Variants in AKNA observed in about 807,000 individuals in gnomAD.
The protein encoded by AKNA is AT-hook transcription factor, also known as microtubule organization protein AKNA.
AKNA carries 67 observed loss-of-function variants against 138.8 expected under a neutral mutation model. The ratio of observed to expected loss-of-function variants is 0.48; its 90% CI spans 0.40 to 0.59. The LOEUF (loss-of-function observed/expected upper bound fraction) is 0.59. AKNA is among the 20% of genes least tolerant of loss of function. The pLI is 0.00. For missense variants in AKNA, 1,813 were observed against 1,880.4 expected, an observed-to-expected ratio of 0.96 and a Z score of 0.66; for synonymous variants, 737 against 754.4, an observed-to-expected ratio of 0.98 and a Z score of 0.38.
intron 3 of AKNA, chr9:114,376,011 C>A (rs1460354095): frequency 4.4e-5 from 20 of 451,832 alleles, no homozygotes; most frequent in African/African-American, 4.1e-4. Context: ...CCCAGGCCTC[C>A]CCACCCCACC....
chr9:114,355,823 A>G, intron 14 of AKNA, 102 bp downstream of exon 14: 1 of 1,238,194 alleles, frequency 8.1e-7, no homozygotes, highest in South Asian at 1.5e-5. Flanking sequence ...ATTTCAGTAC[A>G]ATGAACCTGG....
At chr9:114,344,620 G>A (rs1038347992) in intron 18 of AKNA, 2 of 152,252 alleles carry the variant, frequency 1.3e-5, no homozygotes, top group African/African-American at 4.8e-5. Context: ...GGGTCAGAGA[G>A]GCTCAGAGCC....
At chr9:114,353,812 A>G (rs1290264616) in intron 14 of AKNA, among the ~76,000 whole-genome samples, 1 of 152,228 alleles carries the variant, frequency 6.6e-6, no homozygotes, top group African/African-American at 2.4e-5. Flanking sequence ...CAGACCATAA[A>G]AATATGGTAT....
In AKNA at chr9:114,361,825, G is replaced by A. The variant is rs766859655; in HGVS notation, c.2003C>T (p.Pro668Leu). Reference protein sequence around the residue: ...HIDQTQQEPEPPGSDSALDST... With the variant: ...HIDQTQQEPELPGSDSALDST... ...GTCCAGAGCTGAGTCTGACCCGGGCGGCTCAGGCTCTTGCTGGGTCTGGTC... is the reference window on the plus strand; with the variant it reads ...GTCCAGAGCTGAGTCTGACCCGGGCAGCTCAGGCTCTTGCTGGGTCTGGTC... The change falls in exon 9 of 22, where the codon CCG becomes CTG. Residue 668 changes from proline (P) to leucine (L), a missense_variant. Physicochemically the swap from Pro to Leu is moderately conservative, Grantham distance 98. Transcript: ENST00000374088. 9 of 1,613,308 alleles carry A rather than the reference G, an allele frequency of 5.6e-6. No homozygotes were observed. The highest frequency in any genetic ancestry group is 1.7e-4 in the Middle Eastern group (1 of 6,018).
In AKNA at chr9:114,337,217, T is replaced by A. The variant is rs774022950; in HGVS notation, c.4157A>T (p.His1386Leu). ...ASPPPARRHR[H>L]SIQLDLGDLE... ...GTCGCCCAGGTCGAGCTGGATGGAG[T>A]GCCGGTGTCTCCGGGCTGGTGGGGG... The change falls in exon 22 of 22, where the codon CAC (histidine) becomes CTC (leucine). Residue 1386 changes from histidine (H) to leucine (L), a missense_variant. Physicochemically the swap from His to Leu is moderately conservative, Grantham distance 99 (BLOSUM62 -3). Transcript: ENST00000374088. 111 of 1,587,606 alleles carry A rather than the reference T, an allele frequency of 7.0e-5. No individual in the cohort carries two copies. The highest frequency in any genetic ancestry group is 9.6e-5 in the Non-Finnish European group (111 of 1,161,094).
intron 15 of AKNA, among the ~76,000 whole-genome samples, chr9:114,349,225 G>C (rs1043005578): frequency 1.3e-5 from 2 of 152,120 alleles, no homozygotes; most frequent in African/African-American, 4.8e-5. Context: ...CAGCCACTTG[G>C]GTATCTCAGT....
chr9:114,348,941 A>G, intron 15 of AKNA: 2 of 456,282 alleles, frequency 4.4e-6, no homozygotes, highest in South Asian at 3.1e-5. Context: ...TCCAGCAGAC[A>G]TGAGCGCTCA....
chr9:114,384,188 C>G (rs1833877045), intron 1 of AKNA, among the ~76,000 whole-genome samples: 1 of 152,204 alleles, frequency 6.6e-6, no homozygotes, highest in East Asian at 1.9e-4. Flanking sequence ...CACAATCCAT[C>G]AGTAAAAATA....
intron 14 of AKNA, among the ~76,000 whole-genome samples, chr9:114,354,932 G>C (rs1475969584): frequency 3.4e-5 from 5 of 147,528 alleles, no homozygotes; most frequent in Non-Finnish European, 5.9e-5. Context: ...GCAGTGGTGC[G>C]ATCTTGGCTC....
Position 114,362,470 on chromosome 9 carries a change from C to G in AKNA, c.1852G>C (p.Glu618Gln), listed in dbSNP as rs1353797451. 1.2e-6 allele frequency: 2 copies of G among 1,613,092 alleles called. No individual in the cohort carries two copies. The highest frequency in any genetic ancestry group is 1.7e-6 in the Non-Finnish European group (2 of 1,179,738). ...GCAAGCGGCTGGGCAGGGTGTTGCT[C>G]CCGACAAGCCTTCAGGTACTCCTCC... is the stretch of plus-strand genomic sequence containing the variant. ...LEEEYLKACR[E>Q]QHPAQPLAGS... The change falls in exon 8 of 22, where the codon GAG becomes CAG. Residue 618 changes from glutamate to glutamine, a missense_variant. Coordinates refer to ENST00000374088, the MANE Select transcript of AKNA (RefSeq NM_001317950.2).
chr9:114,373,867 C>T (rs536079269), intron 4 of AKNA, among the ~76,000 whole-genome samples: 3 of 121,840 alleles, frequency 2.5e-5, no homozygotes, highest in Non-Finnish European at 4.7e-5. Context: ...GCCTAGGTGA[C>T]AGAGCAAGAC....
chr9:114,386,902 T>TG (rs575368150), intron 1 of AKNA, among the ~76,000 whole-genome samples: 68 of 152,168 alleles, frequency 4.5e-4, no homozygotes, highest in African/African-American at 1.6e-3. Context: ...AGCCTCCCCG[T>TG]GCCCTCTGCA....
intron 14 of AKNA, among the ~76,000 whole-genome samples, chr9:114,355,070 T>C (rs1311914286): frequency 6.6e-6 from 1 of 151,942 alleles, no homozygotes; most frequent in Admixed American, 6.6e-5. Context: ...AGATGGGGTT[T>C]TGTCATGTTG....
chr9:114,396,790 G>C (rs1834548262), upstream of AKNA: 1 of 152,200 alleles, frequency 6.6e-6, no homozygotes, highest in African/African-American at 2.4e-5. Context: ...CTAAACTCAG[G>C]TCTTCTTACT....
At chr9:114,363,036 T>C (rs1832087977) in intron 7 of AKNA, among the ~76,000 whole-genome samples, 2 of 152,252 alleles carry the variant, frequency 1.3e-5, no homozygotes, top group Admixed American at 6.5e-5. Flanking sequence ...TTACTGAGCA[T>C]TGAGGCTCTG....
chr9:114,375,271 G>A (rs1289273950), intron 3 of AKNA, among the ~76,000 whole-genome samples: 1 of 152,336 alleles, frequency 6.6e-6, no homozygotes, highest in East Asian at 1.9e-4. Flanking sequence ...CGACTCTGCA[G>A]GACAGACTGA....
chr9:114,395,159 G>A (rs868569326), upstream of AKNA, among the ~76,000 whole-genome samples: 6 of 152,206 alleles, frequency 3.9e-5, no homozygotes, highest in African/African-American at 1.4e-4. Flanking sequence ...AGCCTGGGTA[G>A]ATCAGCCCTT....
At chr9:114,382,560 G>T (rs1485566448) in intron 1 of AKNA, among the ~76,000 whole-genome samples, 1 of 147,500 alleles carries the variant, frequency 6.8e-6, no homozygotes, top group Non-Finnish European at 1.5e-5. Flanking sequence ...TCCAGCCTGG[G>T]CAACAAAGTG....
At position 114,381,289 on chromosome 9, in the gene AKNA, C is replaced by G. The variant is rs1486473957; in HGVS notation, c.45G>C (p.Leu15=). The G allele has an allele frequency of 1.2e-6, 2 of 1,611,054 alleles. No individual in the cohort carries two copies. Among genetic ancestry groups the G allele is most frequent in the East Asian group, 4.5e-5 (2 of 44,814 alleles). The change falls in exon 2 of 22, where the codon CTG becomes CTC. Residue 15 remains leucine (L), a synonymous_variant. Coordinates refer to ENST00000374088, the MANE Select transcript of AKNA (RefSeq NM_001317950.2). ...AGCGCCGCCGCTGGGGGCCCTTCCC[C>G]AGGCCAGGCTCAGCCCAGCGGATCT... ...ETEIRWAEPG[L]GKGPQRRRWA...
Sources: allele counts gnomAD v4.1 joint callset (sites outside exome capture counted in the v4.1 genomes callset), GRCh38; gene constraint gnomAD v4.1.1; transcripts MANE v1.5; gene names NCBI Gene and HGNC (gene_info 2026-07-23, HGNC 2026-07-21).